Variants in CRYBG1 observed in about 807,000 individuals in gnomAD.
CRYBG1 encodes beta/gamma crystallin domain-containing protein 1.
Under a neutral mutation model 189.2 loss-of-function variants are expected in CRYBG1, and 139 were observed. That is an observed-to-expected ratio of 0.73 (90% confidence interval 0.64 to 0.85). The LOEUF is 0.85. Among genes scored for constraint, CRYBG1 ranks in the 40% least tolerant of loss-of-function variants. The pLI is 0.00. For synonymous variants in CRYBG1, 1,023 were observed against 1,017.1 expected (o/e 1.01, Z -0.11); for missense variants, 2,611 against 2,675.8 (o/e 0.98, Z 0.53).
intron 1 of CRYBG1, among the ~76,000 whole-genome samples, chr6:106,374,626 G>A (rs1301518034): frequency 1.3e-5 from 2 of 152,176 alleles, no homozygotes; most frequent in Non-Finnish European, 2.9e-5. Context: ...AGAGGATGAA[G>A]AATTTATAAT....
At chr6:106,421,655 G>C (rs577925189) in intron 1 of CRYBG1, among the ~76,000 whole-genome samples, 1 of 152,128 alleles carries the variant, frequency 6.6e-6, no homozygotes, top group Non-Finnish European at 1.5e-5. Context: ...CTATGGGCTA[G>C]GATCTCAACA....
chr6:106,466,977 G>A (rs980287742), intron 2 of CRYBG1, among the ~76,000 whole-genome samples: 5 of 152,170 alleles, frequency 3.3e-5, no homozygotes, highest in African/African-American at 7.2e-5. Flanking sequence ...AGCTTTGAAA[G>A]CAGATGGGAA....
chr6:106,426,599 A>C (rs1328099675), intron 1 of CRYBG1, among the ~76,000 whole-genome samples: 2 of 152,172 alleles, frequency 1.3e-5, no homozygotes, highest in Admixed American at 6.5e-5. Context: ...CACAGCCAAC[A>C]TCAGAATAAT....
Position 106,512,409 on chromosome 6 carries a change from C to A in CRYBG1, c.1292C>A (p.Pro431His). ...RRGSQKSTDS[P>H]GADAELPESA... ...GGGTCGCAGAAATCCACCGACTCCC[C>A]CGGCGCGGACGCCGAGCTCCCTGAG... Residue 431 changes from proline to histidine, a missense_variant, in exon 3 of 22, where the codon CCC becomes CAC. This residue lies in a region of CRYBG1 where 985 missense variants were observed against 924.4 expected (regional missense o/e 1.07). Coordinates refer to ENST00000633556, the MANE Select transcript of CRYBG1 (RefSeq NM_001371242.2). 6.2e-7 allele frequency: 1 copy of A among 1,608,522 alleles called. No homozygotes were observed. Among genetic ancestry groups the A allele is most frequent in the South Asian group, 1.1e-5 (1 of 90,262 alleles).
chr6:106,495,838 C>A (rs1181556), intron 2 of CRYBG1, among the ~76,000 whole-genome samples: 95,880 of 137,636 alleles, frequency 0.7, 33,087 homozygotes, highest in African/African-American at 0.83. Context: ...AAAAAAAAAA[C>A]AACTTTCCCC....
chr6:106,503,813 C>G (rs1360581960), intron 2 of CRYBG1, among the ~76,000 whole-genome samples: 2 of 151,974 alleles, frequency 1.3e-5, no homozygotes, highest in East Asian at 3.9e-4. Context: ...TGGGAGTCTG[C>G]TTTTTAAAAG....
chr6:106,562,160 G>A (rs916866402), intron 20 of CRYBG1, among the ~76,000 whole-genome samples: 2 of 152,126 alleles, frequency 1.3e-5, no homozygotes, highest in Admixed American at 6.5e-5. Flanking sequence ...CTGGTGCCCC[G>A]TGAGTCAGCA....
At chr6:106,391,218 G>A (rs1007314468) in intron 1 of CRYBG1, among the ~76,000 whole-genome samples, 2 of 152,072 alleles carry the variant, frequency 1.3e-5, no homozygotes, top group African/African-American at 4.8e-5. Context: ...AAGTAGCTGA[G>A]ATTACAGGCA....
At chr6:106,472,907 A>AT (rs1438783826) in intron 2 of CRYBG1, among the ~76,000 whole-genome samples, 1 of 116,398 alleles carries the variant, frequency 8.6e-6, no homozygotes, top group East Asian at 2.9e-4. Context: ...CTGTCTCAAA[A>AT]TTAAAAAAAA....
At chr6:106,491,056 C>T (rs552149054) in intron 2 of CRYBG1, among the ~76,000 whole-genome samples, 4 of 152,194 alleles carry the variant, frequency 2.6e-5, no homozygotes, top group East Asian at 1.9e-4. Context: ...AAACTACAGG[C>T]TTGCTATATT....
intron 1 of CRYBG1, among the ~76,000 whole-genome samples, chr6:106,375,040 G>A (rs710093): frequency 0.92 from 139,697 of 152,148 alleles, 64,342 homozygotes; most frequent in East Asian, 0.98. Flanking sequence ...CTTTTTGATG[G>A]TTAAAGTTTC....
intron 10 of CRYBG1, among the ~76,000 whole-genome samples, chr6:106,541,838 G>A (rs964001776): frequency 1.3e-5 from 2 of 152,082 alleles, no homozygotes; most frequent in African/African-American, 4.8e-5. Context: ...AATGGCACTG[G>A]TTATCACTAA....
chr6:106,412,904 C>G (rs1770955718), intron 1 of CRYBG1, among the ~76,000 whole-genome samples: 1 of 149,848 alleles, frequency 6.7e-6, no homozygotes, highest in Admixed American at 6.7e-5. Context: ...ACATGGTTAC[C>G]CAGGCATCTG....
At chr6:106,463,525 T>C (rs1246108034) in intron 2 of CRYBG1, among the ~76,000 whole-genome samples, 4 of 152,256 alleles carry the variant, frequency 2.6e-5, no homozygotes, top group African/African-American at 9.6e-5. Flanking sequence ...TAACCCATAA[T>C]TTAATGAAAT....
intron 13 of CRYBG1, among the ~76,000 whole-genome samples, chr6:106,549,873 A>G (rs1450509094): frequency 5.9e-5 from 9 of 152,186 alleles, no homozygotes; most frequent in Non-Finnish European, 1.3e-4. Context: ...TAGTAAAATC[A>G]TAATCTGCTC....
At chr6:106,531,801 C>T (rs56361614) in intron 8 of CRYBG1, among the ~76,000 whole-genome samples, 36,206 of 151,946 alleles carry the variant, frequency 0.24, 4,796 homozygotes, top group South Asian at 0.36. Context: ...CCCAGAAGCC[C>T]GATGGTATTC....
At position 106,519,851 on chromosome 6, in the gene CRYBG1, T is replaced by C. The variant is rs997002204; in HGVS notation, c.2643T>C (p.Pro881=). The C allele has an allele frequency of 1.2e-6, 2 of 1,614,208 alleles. No homozygotes were observed. The highest frequency in any genetic ancestry group is 1.7e-6 in the Non-Finnish European group (2 of 1,180,038). The stretch of plus-strand genomic sequence containing the variant: ...CTCTTTCACTGTCTGCACCCGCTCC[T>C]GGGGATGTTCCCAAAGACACATGTG... ...GPSLSLSAPA[P]GDVPKDTCVQ... Residue 881 remains proline (P), a synonymous_variant, in exon 4 of 22, where the codon CCT becomes CCC. Transcript: ENST00000633556.
chr6:106,529,620 C>T (rs146535971), intron 7 of CRYBG1, among the ~76,000 whole-genome samples: 11 of 152,248 alleles, frequency 7.2e-5, no homozygotes, highest in African/African-American at 2.4e-4. Flanking sequence ...CACAGATATG[C>T]GGGGCATGGA....
chr6:106,534,064 A>G (rs1262769039), intron 8 of CRYBG1, among the ~76,000 whole-genome samples: 1 of 152,160 alleles, frequency 6.6e-6, no homozygotes, highest in Non-Finnish European at 1.5e-5. Flanking sequence ...AAAGAAGTCT[A>G]TACACTTTTT....
Sources: gnomAD v4.1 joint callset for allele counts (sites outside exome capture counted in the v4.1 genomes callset) on GRCh38, gnomAD v4.1.1 for gene constraint, gnomAD v4.1.1 regional missense constraint, MANE v1.5 for transcripts, NCBI Gene and HGNC (gene_info 2026-07-23, HGNC 2026-07-21) for gene names.